Variants in JAKMIP2 observed in about 807,000 individuals in gnomAD.
The protein encoded by JAKMIP2 is janus kinase and microtubule interacting protein 2.
A neutral mutation model predicts 115.0 loss-of-function variants in JAKMIP2; 25 were observed. That is an observed-to-expected ratio of 0.22 (90% CI 0.16 to 0.30). The LOEUF is 0.30. Among genes scored for constraint, JAKMIP2 ranks in the 10% least tolerant of loss-of-function variants. The pLI is 1.00. For missense variants in JAKMIP2, 642 were observed against 957.6 expected (o/e 0.67, Z 4.35); for synonymous variants, 334 against 343.6 (o/e 0.97, Z 0.31).
chr5:147,620,500 A>G (rs1019381066), intron 18 of JAKMIP2, among the ~76,000 whole-genome samples, 166 bp downstream of exon 18: 6 of 152,200 alleles, frequency 3.9e-5, no homozygotes, highest in Admixed American at 6.5e-5. Flanking sequence ...ATAAGTAAAG[A>G]GCTAGGAATG....
chr5:147,661,090 G>C lies in JAKMIP2; in HGVS notation c.485C>G (p.Ala162Gly), dbSNP rs1369293177. The C allele has an allele frequency of 5.0e-6, 8 of 1,613,776 alleles. No homozygotes were observed. The highest frequency in any genetic ancestry group is 6.8e-6 in the Non-Finnish European group (8 of 1,179,996). The part of the protein sequence containing the change: ...LLQEIADLKT[A>G]KKQVDEALSN... Reference sequence around the variant, plus strand: ...CAGAGCCTCGTCCACCTGCTTCTTGGCCGTTTTCAGGTCCGCAATTTCCTG... The same window carrying C: ...CAGAGCCTCGTCCACCTGCTTCTTGCCCGTTTTCAGGTCCGCAATTTCCTG... The change falls in exon 3 of 22, where the codon GCC becomes GGC. Residue 162 changes from alanine to glycine, a missense_variant. Ala to Gly is a moderately conservative substitution (Grantham distance 60). Coordinates refer to ENST00000616793, the MANE Select transcript of JAKMIP2 (RefSeq NM_001270941.2).
chr5:147,682,990 T>C (rs779116419), intron 1 of JAKMIP2, among the ~76,000 whole-genome samples: 3 of 152,206 alleles, frequency 2.0e-5, no homozygotes, highest in Non-Finnish European at 4.4e-5. Context: ...AAGTGTCATA[T>C]AGTCTTATTT....
At chr5:147,650,279 C>G (rs1758331818) in intron 4 of JAKMIP2, 59 bp downstream of exon 4, 1 of 1,076,682 alleles carries the variant, frequency 9.3e-7, no homozygotes, top group Non-Finnish European at 1.4e-6. Flanking sequence ...AAAGGTAAAA[C>G]TTGGGAGCTA....
intron 20 of JAKMIP2, among the ~76,000 whole-genome samples, chr5:147,605,103 G>T (rs930406437): frequency 1.3e-5 from 2 of 151,536 alleles, no homozygotes; most frequent in African/African-American, 4.9e-5. Context: ...CTGTTAGTTT[G>T]CTGAGAATGA....
intron 2 of JAKMIP2, among the ~76,000 whole-genome samples, chr5:147,667,713 G>A (rs1759370735): frequency 6.6e-6 from 1 of 152,166 alleles, no homozygotes; most frequent in Non-Finnish European, 1.5e-5. Flanking sequence ...CAGTGCAAAG[G>A]ATCCTATTTT....
chr5:147,718,581 T>C (rs970598339), intron 1 of JAKMIP2, among the ~76,000 whole-genome samples: 1 of 151,036 alleles, frequency 6.6e-6, no homozygotes, highest in African/African-American at 2.4e-5. Context: ...CTTGGGAGAG[T>C]GTATGTGTCG....
chr5:147,630,736 A>G (rs979230270), intron 14 of JAKMIP2, among the ~76,000 whole-genome samples: 1 of 152,186 alleles, frequency 6.6e-6, no homozygotes, highest in African/African-American at 2.4e-5. Flanking sequence ...AGGAGAGACC[A>G]GGAATAGCAG....
rs368392768 is a variant in JAKMIP2, at chr5:147,623,605, C to T, written c.2064+16G>A. On this transcript the variant is annotated intron_variant, in intron 17 of 21. Transcript: ENST00000616793. ...AAGTTTTTCTTAATTTTTACAATATCTCATCTTGTACTTACCATGTCACTT... is the reference window on the plus strand; with the variant it reads ...AAGTTTTTCTTAATTTTTACAATATTTCATCTTGTACTTACCATGTCACTT... 6.5e-7 allele frequency: 1 copy of T among 1,539,426 alleles called. No homozygotes were observed. The highest frequency in any genetic ancestry group is 1.4e-5 in the African/African-American group (1 of 73,352).
At chr5:147,672,102 TAG>T (rs1759635848) in intron 1 of JAKMIP2, 148 bp from the exon 2 acceptor site, 1 of 322,308 alleles carries the variant, frequency 3.1e-6, no homozygotes, top group Admixed American at 5.6e-5. Context: ...TACGTGAGTT[TAG>T]AGTGATTTTT....
intron 1 of JAKMIP2, among the ~76,000 whole-genome samples, chr5:147,718,693 A>G (rs1284575802): frequency 3.3e-5 from 5 of 152,138 alleles, no homozygotes; most frequent in Admixed American, 6.5e-5. Context: ...CGGTCGTGAT[A>G]TCCCCTTTAG....
intron 11 of JAKMIP2, 103 bp from the exon 12 acceptor site, chr5:147,636,387 G>T: frequency 1.1e-6 from 1 of 891,364 alleles, no homozygotes; most frequent in Non-Finnish European, 1.8e-6. Context: ...CACCCTGTTT[G>T]TTTGCCTGCC....
At position 147,771,668 on chromosome 5, in the gene JAKMIP2, A is replaced by G. The variant is rs141112214; in HGVS notation, c.-149+10788T>C. On this transcript the variant is annotated intron_variant, in intron 1 of 21. Transcript: ENST00000616793. ...TTTAGGGCCATTAGTTACAAGCCAC[A>G]GAGATCAGTTCACACAAATAAAGAC... is the stretch of plus-strand genomic sequence containing the variant. Among the ~76,000 whole-genome samples the G allele has an allele frequency of 2.0e-5, 3 of 152,246 alleles. No individual in the cohort carries two copies. The East Asian group carries it at 5.8e-4, about 29-fold the overall frequency.
chr5:147,644,803 T>C (rs772755328), intron 6 of JAKMIP2, 47 bp downstream of exon 6: 2 of 1,516,404 alleles, frequency 1.3e-6, no homozygotes, highest in Admixed American at 3.8e-5. Context: ...GTTATTAAGG[T>C]AATATAATCA....
intron 21 of JAKMIP2, among the ~76,000 whole-genome samples, chr5:147,600,588 G>C (rs958490675): frequency 1.3e-5 from 2 of 152,176 alleles, no homozygotes; most frequent in South Asian, 4.1e-4. Flanking sequence ...TAGAATAGCC[G>C]CTGGCCCTTC....
In JAKMIP2 at chr5:147,644,967, T is replaced by C. The variant is rs771855882; in HGVS notation, c.966A>G (p.Gln322=). 6.8e-6 allele frequency: 11 copies of C among 1,613,506 alleles called. No homozygotes were observed. In the Admixed American group the frequency reaches 1.8e-4, roughly 27 times the overall value. The change falls in exon 6 of 22, where the codon CAA becomes CAG. Residue 322 remains glutamine, a synonymous_variant. Coordinates refer to ENST00000616793, the MANE Select transcript of JAKMIP2 (RefSeq NM_001270941.2). ...TGTTCCTTTCCAGGAGAGGTTTACATTGCTTTTCGGTTTCCCGCACACGTT... is the reference window on the plus strand; with the variant it reads ...TGTTCCTTTCCAGGAGAGGTTTACACTGCTTTTCGGTTTCCCGCACACGTT... ...LLKRVRETEK[Q]CKPLLERNKC... is the part of the protein sequence containing the mutation.
chr5:147,782,047 C>T (rs1276043945), intron 1 of JAKMIP2, among the ~76,000 whole-genome samples: 2 of 152,104 alleles, frequency 1.3e-5, no homozygotes, highest in East Asian at 3.9e-4. Context: ...GTCTGGTAAG[C>T]TTATGAGACA....
At chr5:147,643,992 G>A (rs571945550) in intron 7 of JAKMIP2, 66 bp downstream of exon 7, 1 of 1,342,438 alleles carries the variant, frequency 7.4e-7, no homozygotes, top group African/African-American at 1.5e-5. Flanking sequence ...ACTGCTTTCA[G>A]TGTATATTTT....
intron 1 of JAKMIP2, among the ~76,000 whole-genome samples, chr5:147,764,347 G>A (rs1755034586): frequency 6.6e-6 from 1 of 152,074 alleles, no homozygotes; most frequent in African/African-American, 2.4e-5. Context: ...AAGTATGACA[G>A]GAATTCAGAC....
At chr5:147,597,341 A>C (rs1013171196) in intron 21 of JAKMIP2, among the ~76,000 whole-genome samples, 1 of 152,210 alleles carries the variant, frequency 6.6e-6, no homozygotes, top group Admixed American at 6.5e-5. Context: ...ACATAGTATT[A>C]TGTGCCTTTT....
Sources: gnomAD v4.1 joint callset for allele counts (sites outside exome capture counted in the v4.1 genomes callset) on GRCh38, gnomAD v4.1.1 for gene constraint, MANE v1.5 for transcripts, NCBI Gene and HGNC (gene_info 2026-07-23, HGNC 2026-07-21) for gene names.